The following CUX1 variants were observed in gnomAD, a reference collection of about 807,000 sequenced individuals.
The protein encoded by CUX1 is protein CASP.
A neutral mutation model predicts 158.8 loss-of-function variants in CUX1; 31 were observed. The observed-to-expected ratio is 0.20, with a 90% CI of 0.15 to 0.26. CUX1 has a LOEUF of 0.26. Among genes scored for constraint, CUX1 ranks in the 10% least tolerant of loss-of-function variants. The pLI is 1.00. For synonymous variants in CUX1, 879 were observed against 862.1 expected (o/e 1.02, Z -0.34); for missense variants, 1,589 against 2,014.6 (o/e 0.79, Z 4.04).
intron 11 of CUX1, among the ~76,000 whole-genome samples, chr7:102,185,425 G>A (rs371924958): frequency 1.3e-5 from 2 of 151,886 alleles, no homozygotes; most frequent in South Asian, 2.1e-4. Context: ...TTGATTGGTT[G>A]ATTTATTTAT....
Position 101,916,514 on chromosome 7 carries a change from G to C in CUX1, c.141+289G>C, listed in dbSNP as rs1052708489. The C allele has an allele frequency of 3.0e-5, 10 of 336,572 alleles. No individual in the cohort carries two copies. Among genetic ancestry groups the C allele is most frequent in the East Asian group, 2.8e-4 (4 of 14,432 alleles). The allele number at this position is 336,572 out of a possible 1,614,324, so 20.8% of individuals were successfully genotyped here. ...TGTAAGAACACGTGGGCAGGTGTGT[G>C]GGTGTCTCAGACCCTCGAGCTCATC... On this transcript the variant is annotated intron_variant, in intron 2 of 23. Transcript: ENST00000292535. The surrounding 1 kb of genome is among the most constrained non-coding windows in gnomAD (Gnocchi z 4.4).
chr7:102,235,046 G>T (rs1799402269), intron 22 of CUX1, among the ~76,000 whole-genome samples: 1 of 152,190 alleles, frequency 6.6e-6, no homozygotes, highest in Non-Finnish European at 1.5e-5. Context: ...TCTCTCTCTT[G>T]CTGTTATTTC....
At chr7:101,945,958 A>G (rs1808312863) in intron 2 of CUX1, among the ~76,000 whole-genome samples, 1 of 152,154 alleles carries the variant, frequency 6.6e-6, no homozygotes, top group African/African-American at 2.4e-5. Flanking sequence ...TATTTAAAGA[A>G]TGAGTTCTAT....
intron 2 of CUX1, among the ~76,000 whole-genome samples, chr7:101,927,201 A>G (rs559823854): frequency 5.3e-4 from 80 of 152,064 alleles, no homozygotes; most frequent in Non-Finnish European, 8.7e-4. Flanking sequence ...CAAATTTTGA[A>G]ATAACCATTG....
chr7:101,910,361 G>A (rs1803278434), intron 1 of CUX1, among the ~76,000 whole-genome samples: 1 of 152,072 alleles, frequency 6.6e-6, no homozygotes, highest in Non-Finnish European at 1.5e-5. Flanking sequence ...TGGCAGGCTG[G>A]TCTCAAACTC....
At chr7:102,065,519 C>T (rs1031675984) in intron 3 of CUX1, among the ~76,000 whole-genome samples, 1 of 152,206 alleles carries the variant, frequency 6.6e-6, no homozygotes, top group African/African-American at 2.4e-5. Context: ...GTCTGCGGAG[C>T]GGAGGGGACT....
intron 8 of CUX1, chr7:102,153,477 G>A (rs1297251074): frequency 6.6e-6 from 1 of 152,250 alleles, no homozygotes; most frequent in Admixed American, 6.5e-5. Flanking sequence ...CCAGGGAGAC[G>A]GTGTCCTCCT....
intron 3 of CUX1, among the ~76,000 whole-genome samples, chr7:102,029,665 CTCT>C (rs895146253): frequency 6.6e-6 from 1 of 152,192 alleles, no homozygotes; most frequent in African/African-American, 2.4e-5. Flanking sequence ...CAGTACCCCT[CTCT>C]TCTTATGATC....
intron 2 of CUX1, among the ~76,000 whole-genome samples, chr7:101,925,691 G>A (rs1405235703): frequency 1.3e-5 from 2 of 152,104 alleles, no homozygotes; most frequent in East Asian, 3.9e-4. Flanking sequence ...CAGCACTTTG[G>A]GAGGCTGAGG....
chr7:102,152,619 C>T (rs1451149268), intron 8 of CUX1, among the ~76,000 whole-genome samples: 2 of 152,124 alleles, frequency 1.3e-5, no homozygotes, highest in African/African-American at 2.4e-5. Flanking sequence ...CTCGAACTCG[C>T]GACCTCAGGT....
intron 10 of CUX1, among the ~76,000 whole-genome samples, chr7:102,172,220 T>C (rs544225055): frequency 3.3e-5 from 5 of 152,300 alleles, no homozygotes; most frequent in Admixed American, 1.3e-4. Flanking sequence ...GCCTCCCAAC[T>C]AGCTGGAGCT....
intron 18 of CUX1, among the ~76,000 whole-genome samples, chr7:102,278,248 C>A (rs998706121): frequency 1.3e-5 from 2 of 152,134 alleles, no homozygotes; most frequent in Non-Finnish European, 2.9e-5. Flanking sequence ...CTCCCTAAGC[C>A]GGGAGAAGCT....
rs1286941474 is a variant in CUX1, at chr7:102,257,149, C to G, written c.*8107C>G. On this transcript the variant is annotated 3_prime_UTR_variant, in exon 24 of 24. Coordinates refer to ENST00000292535, the MANE Select transcript of CUX1 (RefSeq NM_181552.4). Reference sequence around the variant, plus strand: ...CCAGCAGAAGGAAACTTACCCCAGGCCAAGGCAAGGGCCCTGCTCACCCCA... The same window carrying G: ...CCAGCAGAAGGAAACTTACCCCAGGGCAAGGCAAGGGCCCTGCTCACCCCA... 1 of 985,366 alleles carries G rather than the reference C, an allele frequency of 1.0e-6. No homozygotes were observed. The highest frequency in any genetic ancestry group is 1.2e-6 in the Non-Finnish European group (1 of 829,932). 61.0% of individuals were successfully genotyped at this position (985,366 alleles called of 1,614,324 possible). A position where few individuals can be genotyped will look rare whatever the true frequency, so the allele number is the denominator to read the frequency against.
intron 1 of CUX1, among the ~76,000 whole-genome samples, chr7:101,865,670 G>A (rs1181462062): frequency 6.6e-6 from 1 of 152,208 alleles, no homozygotes; most frequent in African/African-American, 2.4e-5. Context: ...GTTTGTGAAC[G>A]CCGAAGGGTG....
intron 1 of CUX1, among the ~76,000 whole-genome samples, chr7:101,842,812 A>T (rs937958474): frequency 2.7e-5 from 4 of 146,036 alleles, no homozygotes; most frequent in Non-Finnish European, 6.0e-5. Flanking sequence ...TGATGTCTGT[A>T]TAGACTCTTA....
At chr7:101,920,786 T>A (rs1212329011) in intron 2 of CUX1, among the ~76,000 whole-genome samples, 2 of 152,290 alleles carry the variant, frequency 1.3e-5, no homozygotes, top group East Asian at 3.9e-4. Flanking sequence ...GAACATCCAT[T>A]CCCTATTGAA....
At chr7:102,211,371 A>G (rs1250468600) in intron 20 of CUX1, among the ~76,000 whole-genome samples, 2 of 152,054 alleles carry the variant, frequency 1.3e-5, no homozygotes, top group Non-Finnish European at 2.9e-5. Flanking sequence ...ACTTGAACCC[A>G]GGAGGTGGAG....
intron 11 of CUX1, among the ~76,000 whole-genome samples, chr7:102,179,312 T>A (rs969211520): frequency 7.9e-5 from 12 of 152,234 alleles, no homozygotes; most frequent in African/African-American, 2.9e-4. Context: ...GTTGCCAAAG[T>A]GCTGAGATTA....
chr7:102,220,836 G>A (rs1797729876), intron 20 of CUX1, among the ~76,000 whole-genome samples: 1 of 151,582 alleles, frequency 6.6e-6, no homozygotes, highest in African/African-American at 2.4e-5. Context: ...TTTTGAGATG[G>A]AGTAGCTGGG....
Sources: gnomAD v4.1 joint callset for allele counts (sites outside exome capture counted in the v4.1 genomes callset) on GRCh38, gnomAD v4.1.1 for gene constraint, Gnocchi (gnomAD v3.1) non-coding constraint, MANE v1.5 for transcripts, NCBI Gene and HGNC (gene_info 2026-07-23, HGNC 2026-07-21) for gene names.